The following LRBA variants were observed in gnomAD, a reference collection of about 807,000 sequenced individuals.
LRBA encodes lipopolysaccharide-responsive and beige-like anchor protein.
Under a neutral mutation model 330.0 loss-of-function variants are expected in LRBA, and 176 were observed. The ratio of observed to expected loss-of-function variants is 0.53; its 90% CI spans 0.47 to 0.60. LRBA has a LOEUF of 0.60. Among genes scored for constraint, LRBA ranks in the 20% least tolerant of loss-of-function variants. LRBA has a pLI of 0.00. For synonymous variants in LRBA, 1,230 were observed against 1,193.0 expected, an observed-to-expected ratio of 1.03 and a Z score of -0.64; for missense variants, 3,259 against 3,444.8, an observed-to-expected ratio of 0.95 and a Z score of 1.35.
At chr4:150,770,227 T>C (rs1201272330) in intron 34 of LRBA, among the ~76,000 whole-genome samples, 2 of 152,176 alleles carry the variant, frequency 1.3e-5, no homozygotes, top group African/African-American at 2.4e-5. Flanking sequence ...ACTTACACCA[T>C]TGGTTTTCCC....
At chr4:150,448,802 CAAAAAA>C (rs1282972133) in intron 44 of LRBA, among the ~76,000 whole-genome samples, 1 of 42,178 alleles carries the variant, frequency 2.4e-5, no homozygotes, top group East Asian at 8.2e-4. Context: ...AACAGTGTTT[CAAAAAA>C]AAAAAAAAAA....
chr4:150,513,323 G>A (rs561548279), intron 40 of LRBA, among the ~76,000 whole-genome samples: 17 of 152,270 alleles, frequency 1.1e-4, no homozygotes, highest in African/African-American at 4.1e-4. Flanking sequence ...TTACAGCAAT[G>A]GGCAGGTTTG....
At chr4:150,696,577 T>C (rs1235016075) in intron 36 of LRBA, among the ~76,000 whole-genome samples, 1 of 152,182 alleles carries the variant, frequency 6.6e-6, no homozygotes, top group Admixed American at 6.5e-5. Context: ...ACGTAACAAA[T>C]AGTCCCTGTC....
At position 150,906,355 on chromosome 4, in the gene LRBA, A is replaced by G; in HGVS notation, c.1544T>C (p.Met515Thr). The G allele has an allele frequency of 6.2e-7, 1 of 1,612,928 alleles. No individual in the cohort carries two copies. Among genetic ancestry groups the G allele is most frequent in the Non-Finnish European group, 8.5e-7 (1 of 1,179,136 alleles). Reference sequence around the variant, plus strand: ...CTTACAGGCAAGCATCTGTTCCTGCATAGCAATTGAGTTCTTCAACAATTC... The same window carrying G: ...CTTACAGGCAAGCATCTGTTCCTGCGTAGCAATTGAGTTCTTCAACAATTC... ...IMELLKNSIA[M>T]QEQMLACKGF... The change falls in exon 12 of 57, where the codon ATG becomes ACG. Residue 515 changes from methionine to threonine, a missense_variant. By Grantham distance (81) the Met-to-Thr change is moderately conservative (BLOSUM62 -1). Transcript: ENST00000651943.
chr4:150,538,148 G>C (rs1382164035), intron 40 of LRBA, among the ~76,000 whole-genome samples: 1 of 152,196 alleles, frequency 6.6e-6, no homozygotes, highest in African/African-American at 2.4e-5. Flanking sequence ...AGGTGCTGGT[G>C]AGGCTGCAGA....
intron 37 of LRBA, among the ~76,000 whole-genome samples, chr4:150,653,163 C>T (rs1207133695): frequency 1.3e-5 from 2 of 151,984 alleles, no homozygotes; most frequent in Non-Finnish European, 1.5e-5. Context: ...GGCAACATAG[C>T]GAGAACCTGT....
At chr4:150,457,038 C>T (rs1214560206) in intron 44 of LRBA, among the ~76,000 whole-genome samples, 5 of 152,016 alleles carry the variant, frequency 3.3e-5, no homozygotes, top group East Asian at 3.9e-4. Flanking sequence ...TGCAGTTCAA[C>T]GGGATGTGTA....
Position 150,275,362 on chromosome 4 carries a change from C to T in LRBA, c.8468+2491G>A, listed in dbSNP as rs943038969. 2.6e-5 allele frequency among the ~76,000 whole-genome samples: 4 copies of T among 152,040 alleles called. No homozygotes were observed. In the East Asian group the frequency reaches 7.7e-4, roughly 29 times the overall value. The stretch of plus-strand genomic sequence containing the variant: ...AAAACTGAAGCATTCCCTTTGAAAA[C>T]TGGCACAAGACAAGGATATACCCTC... On this transcript the variant is annotated intron_variant, in intron 56 of 56. Coordinates refer to ENST00000651943, the MANE Select transcript of LRBA (RefSeq NM_001364905.1).
intron 53 of LRBA, among the ~76,000 whole-genome samples, chr4:150,299,470 T>C (rs948461518): frequency 3.3e-5 from 5 of 152,026 alleles, no homozygotes; most frequent in African/African-American, 1.2e-4. Flanking sequence ...TTACAGTATT[T>C]ATAGGTTTTA....
intron 40 of LRBA, among the ~76,000 whole-genome samples, chr4:150,500,046 A>C (rs982066258): frequency 8.5e-5 from 13 of 152,134 alleles, no homozygotes; most frequent in Admixed American, 1.3e-4. Context: ...GTTCTATACC[A>C]CTGTAGAATG....
intron 2 of LRBA, among the ~76,000 whole-genome samples, chr4:150,977,287 A>G (rs903995573): frequency 2.0e-5 from 3 of 152,164 alleles, no homozygotes; most frequent in Non-Finnish European, 4.4e-5. Flanking sequence ...CTCAGCCACA[A>G]TCGAATAGGA....
At chr4:150,416,119 T>C (rs187069355) in intron 46 of LRBA, among the ~76,000 whole-genome samples, 8 of 152,308 alleles carry the variant, frequency 5.3e-5, no homozygotes, top group Admixed American at 2.0e-4. Flanking sequence ...CCAACTCTGA[T>C]AGAAGATCAA....
intron 22 of LRBA, among the ~76,000 whole-genome samples, chr4:150,860,799 G>C (rs1185789352): frequency 6.6e-6 from 1 of 151,788 alleles, no homozygotes; most frequent in Non-Finnish European, 1.5e-5. Flanking sequence ...CAGGGCGACA[G>C]AGCGAGACTC....
chr4:150,846,592 T>C (rs1560906252), intron 26 of LRBA, among the ~76,000 whole-genome samples: 1 of 148,548 alleles, frequency 6.7e-6, no homozygotes, highest in South Asian at 2.2e-4. Context: ...GTGAGGGGGG[T>C]CTGATGATGA....
At chr4:150,757,347 C>T (rs889998195) in intron 35 of LRBA, among the ~76,000 whole-genome samples, 5 of 152,150 alleles carry the variant, frequency 3.3e-5, no homozygotes, top group African/African-American at 1.2e-4. Context: ...TTCTACCAAA[C>T]AACAATTACT....
chr4:150,523,875 C>A (rs969860750), intron 40 of LRBA, among the ~76,000 whole-genome samples: 2 of 152,098 alleles, frequency 1.3e-5, no homozygotes. Flanking sequence ...TGTACAATCT[C>A]TGTCACTTCT....
intron 47 of LRBA, among the ~76,000 whole-genome samples, chr4:150,404,613 C>G (rs1159148050): frequency 6.6e-6 from 1 of 152,084 alleles, no homozygotes; most frequent in Non-Finnish European, 1.5e-5. Context: ...CATTTCCCCC[C>G]ACACTTTCAG....
intron 13 of LRBA, among the ~76,000 whole-genome samples, chr4:150,903,515 G>A (rs1730987411): frequency 1.3e-5 from 2 of 152,132 alleles, no homozygotes; most frequent in South Asian, 4.1e-4. Flanking sequence ...GAGGCAGGTA[G>A]ATCACTTGAG....
At chr4:150,959,085 T>C (rs1392066017) in intron 2 of LRBA, among the ~76,000 whole-genome samples, 2 of 149,294 alleles carry the variant, frequency 1.3e-5, no homozygotes, top group Non-Finnish European at 2.9e-5. Context: ...AATAAAGACA[T>C]ACCTGAGACT....
Sources: gnomAD v4.1 joint callset for allele counts (sites outside exome capture counted in the v4.1 genomes callset) on GRCh38, gnomAD v4.1.1 for gene constraint, MANE v1.5 for transcripts, NCBI Gene and HGNC (gene_info 2026-07-23, HGNC 2026-07-21) for gene names.